RAB40C: variants seen among roughly 807,000 people sequenced by gnomAD.
RAB40C encodes ras-related protein Rab-40C.
Under a neutral mutation model 28.1 loss-of-function variants are expected in RAB40C, and 8 were observed. The observed-to-expected ratio is 0.28, with a 90% CI of 0.17 to 0.51. The LOEUF is 0.51. RAB40C is among the 20% of genes least tolerant of loss of function. The probability of loss-of-function intolerance (pLI) is 0.97; values close to 1 mark genes in which losing one functional copy is unlikely to be tolerated. For synonymous variants in RAB40C, 201 were observed against 171.7 expected (o/e 1.17, Z -1.34); for missense variants, 288 against 405.9 (o/e 0.71, Z 2.50).
chr16:623,469 G>A lies in RAB40C; in HGVS notation c.265-1963G>A, dbSNP rs535355883. Among the ~76,000 whole-genome samples, 26 of 152,062 alleles carry A rather than the reference G, an allele frequency of 1.7e-4. No homozygotes were observed. The South Asian group carries it at 3.3e-3, about 19-fold the overall frequency. On this transcript the variant is annotated intron_variant, in intron 3 of 5. Transcript: ENST00000248139. ...TCAAGACCATCCTGGCTAACACGGT[G>A]AAACCCTGTCTCTACTAAAAAAAAA...
chr16:591,904 G>C (rs968513560), intron 1 of RAB40C, among the ~76,000 whole-genome samples: 14 of 152,210 alleles, frequency 9.2e-5, no homozygotes, highest in Non-Finnish European at 2.1e-4. Context: ...CTGAACGTTT[G>C]TTTTTAACTT....
intron 1 of RAB40C, among the ~76,000 whole-genome samples, chr16:601,134 G>A (rs2036240668): frequency 6.6e-6 from 1 of 152,180 alleles, no homozygotes; most frequent in South Asian, 2.1e-4. Context: ...CTTGTGTTTG[G>A]AACAGAGATA....
At chr16:595,777 A>G (rs2036106264) in intron 1 of RAB40C, among the ~76,000 whole-genome samples, 1 of 151,624 alleles carries the variant, frequency 6.6e-6, no homozygotes, top group Admixed American at 6.6e-5. Flanking sequence ...TAATTTTTGT[A>G]TTTGTAGTAG....
chr16:611,110 G>A (rs551730202), intron 1 of RAB40C, among the ~76,000 whole-genome samples: 4 of 152,346 alleles, frequency 2.6e-5, no homozygotes, highest in South Asian at 2.1e-4. Context: ...GGACGCAGAC[G>A]TCCAGCGGGA....
Position 590,384 on chromosome 16 carries a change from G to A in RAB40C, c.93G>A (p.Leu31=). 6.3e-7 allele frequency: 1 copy of A among 1,597,258 alleles called. No individual in the cohort carries two copies. Among genetic ancestry groups the A allele is most frequent in the Non-Finnish European group, 8.5e-7 (1 of 1,173,516 alleles). The change falls in exon 1 of 6, where the codon CTG becomes CTA. Residue 31 remains leucine, a synonymous_variant. Transcript: ENST00000248139. ...GCGACGTGGGCAAGGGCGAGATCCTGGAGAGCCTGCAGGACGGCGCGGCAG... is the reference window on the plus strand; with the variant it reads ...GCGACGTGGGCAAGGGCGAGATCCTAGAGAGCCTGCAGGACGGCGCGGCAG... The part of the protein sequence containing the change: ...GDSDVGKGEI[L]ESLQDGAAES...
chr16:596,270 G>A, intron 1 of RAB40C: 1 of 455,840 alleles, frequency 2.2e-6, no homozygotes, highest in Middle Eastern at 3.3e-4. Context: ...ACACAAGGGA[G>A]GGATCTGGGT....
rs944631749 is a variant in RAB40C at position 610,999 on chromosome 16, T to C, written c.143-6209T>C. Among the ~76,000 whole-genome samples, 2 of 152,094 alleles carry C rather than the reference T, an allele frequency of 1.3e-5. No individual in the cohort carries two copies. Among genetic ancestry groups the C allele is most frequent in the Non-Finnish European group, 2.9e-5 (2 of 68,012 alleles). On this transcript the variant is annotated intron_variant, in intron 1 of 5. Transcript: ENST00000248139. This position sits in a 1 kb window ranked among gnomAD's most constrained non-coding sequence, Gnocchi z 4.6. Reference sequence around the variant, plus strand: ...TGTCTAAATGGTATCCATGGGGACGTTGTTTCATAGTCTTCTTACACTTTT... The same window carrying C: ...TGTCTAAATGGTATCCATGGGGACGCTGTTTCATAGTCTTCTTACACTTTT...
rs1050337635 is a variant in RAB40C at position 610,729 on chromosome 16, C to T, written c.143-6479C>T. ...CTGCTCTGTGCCTCCAGGAGCTCCT[C>T]CCTCTACCCCGCCCTGCCCCACCCC... On this transcript the variant is annotated intron_variant, in intron 1 of 5. Coordinates refer to ENST00000248139, the MANE Select transcript of RAB40C (RefSeq NM_021168.5). The surrounding 1 kb of genome is among the most constrained non-coding windows in gnomAD (Gnocchi z 4.6). Among the ~76,000 whole-genome samples the T allele has an allele frequency of 6.6e-6, 1 of 151,990 alleles. No individual in the cohort carries two copies. Among genetic ancestry groups the T allele is most frequent in the Non-Finnish European group, 1.5e-5 (1 of 67,996 alleles).
intron 3 of RAB40C, among the ~76,000 whole-genome samples, chr16:622,795 C>T (rs1405359753): frequency 1.3e-5 from 2 of 152,198 alleles, no homozygotes; most frequent in Non-Finnish European, 2.9e-5. Context: ...TGAGCCACGG[C>T]GCCTGGCCGA....
chr16:611,642 CTGG>C (rs2036488492), intron 1 of RAB40C, among the ~76,000 whole-genome samples: 1 of 145,434 alleles, frequency 6.9e-6, no homozygotes, highest in African/African-American at 2.5e-5. Context: ...GACAGCCGCC[CTGG>C]CCTGTAGAAT....
At chr16:618,116 C>G in intron 2 of RAB40C, 84 bp from the exon 3 acceptor site, 1 of 1,355,250 alleles carries the variant, frequency 7.4e-7, no homozygotes. Context: ...CTCAGGACAT[C>G]CAGGTGGGTC....
chr16:624,181 CTTGCCATGCGGGAGG>C (rs560070497), intron 3 of RAB40C: 112 of 985,406 alleles, frequency 1.1e-4, no homozygotes, highest in Admixed American at 6.1e-4. Context: ...GAGTTGTGGG[CTTGCCATGCGGGAGG>C]TTGCCATGCG....
intron 4 of RAB40C, 134 bp from the exon 5 acceptor site, chr16:625,765 C>G (rs945402834): frequency 8.8e-5 from 86 of 982,366 alleles, no homozygotes; most frequent in Non-Finnish European, 1.3e-4. Context: ...GGTCTGCCCA[C>G]CTTGACCTCC....
intron 1 of RAB40C, among the ~76,000 whole-genome samples, chr16:597,344 A>G (rs895581538): frequency 1.6e-4 from 24 of 152,088 alleles, no homozygotes; most frequent in African/African-American, 5.6e-4. Context: ...CGCCGTCTTT[A>G]CAGTGAACAC....
upstream of RAB40C, chr16:589,936 A>C (rs1357087743): frequency 7.3e-6 from 1 of 137,270 alleles, no homozygotes; most frequent in Non-Finnish European, 1.6e-5. Context: ...AGGCGGTGCG[A>C]CCGGAGGTCT....
intron 3 of RAB40C, among the ~76,000 whole-genome samples, chr16:618,608 C>T (rs1188569908): frequency 6.8e-6 from 1 of 146,254 alleles, no homozygotes; most frequent in Admixed American, 6.8e-5. Flanking sequence ...TGTGTGCAGC[C>T]ATGTGCACAG....
At chr16:626,143 A>C (rs751256376) in intron 5 of RAB40C, 22 bp downstream of exon 5, 73 of 1,595,742 alleles carry the variant, frequency 4.6e-5, no homozygotes, top group Non-Finnish European at 5.7e-5. Context: ...GGCGCCGGCC[A>C]GCCCTGAGGT....
chr16:599,003 G>A (rs955528816), intron 1 of RAB40C, among the ~76,000 whole-genome samples: 1 of 152,204 alleles, frequency 6.6e-6, no homozygotes, highest in African/African-American at 2.4e-5. Context: ...GGTCAGCAAC[G>A]TTGTCGGCCA....
chr16:616,130 G>C (rs1429570011), intron 1 of RAB40C, among the ~76,000 whole-genome samples: 1 of 151,388 alleles, frequency 6.6e-6, no homozygotes, highest in Admixed American at 6.6e-5. Context: ...GGTGGCGGGC[G>C]CCTGTAGTTC....
Sources: gnomAD v4.1 joint callset for allele counts (sites outside exome capture counted in the v4.1 genomes callset) on GRCh38, gnomAD v4.1.1 for gene constraint, Gnocchi (gnomAD v3.1) non-coding constraint, MANE v1.5 for transcripts, NCBI Gene and HGNC (gene_info 2026-07-23, HGNC 2026-07-21) for gene names.